Variants in HSPA4 observed in about 807,000 individuals in gnomAD.
The protein encoded by HSPA4 is heat shock protein family A (Hsp70) member 4, also known as heat shock 70 kDa protein 4.
HSPA4 carries 25 observed loss-of-function variants against 106.2 expected under a neutral mutation model. That is an observed-to-expected ratio of 0.24 (90% CI 0.17 to 0.33). HSPA4 has a LOEUF of 0.33. Ranked by LOEUF, HSPA4 falls within the 10% of genes least tolerant of loss-of-function variation. The pLI, the probability that HSPA4 is intolerant of heterozygous loss-of-function variation, is 1.00. For missense variants in HSPA4, 841 were observed against 996.0 expected, an observed-to-expected ratio of 0.84 and a Z score of 2.10; for synonymous variants, 332 against 333.6, an observed-to-expected ratio of 1.00 and a Z score of 0.05.
At chr5:133,053,960 C>T (rs1291828220) in intron 1 of HSPA4, among the ~76,000 whole-genome samples, 1 of 152,024 alleles carries the variant, frequency 6.6e-6, no homozygotes, top group Non-Finnish European at 1.5e-5. Flanking sequence ...GTGCCCGGCC[C>T]CAGGGGCTCA....
rs57230598 is a variant in HSPA4 at position 133,092,806 on chromosome 5, G to GTTTTTT, written c.1650+44_1650+49dup. On this transcript the variant is annotated intron_variant, in intron 13 of 18. Coordinates refer to ENST00000304858, the MANE Select transcript of HSPA4 (RefSeq NM_002154.4). ...GAAATGGAGGTATGCATTGGGTGGT[G>GTTTTTT]TTTTTTTTTTTTTTTTTTTTTTTTT... 2.1e-4 allele frequency: 100 copies of GTTTTTT among 473,966 alleles called. 2 individuals are homozygous for GTTTTTT. The African/African-American group carries it at 2.3e-3, about 11-fold the overall frequency. The allele number at this position is 473,966 out of a possible 1,614,324, so 29.4% of individuals were successfully genotyped here.
chr5:133,104,548 A>T lies in HSPA4; in HGVS notation c.*112A>T. 1 of 1,002,454 alleles carries T rather than the reference A, an allele frequency of 1.0e-6. No homozygotes were observed. The highest frequency in any genetic ancestry group is 1.5e-6 in the Non-Finnish European group (1 of 676,684). 62.1% of individuals were successfully genotyped at this position (1,002,454 alleles called of 1,614,324 possible). ...ACTGAAGATTTCTTAGTCAGTTTTTAGGGGATTTTCGGGGAGGGGAAATAG... is the reference window on the plus strand; with the variant it reads ...ACTGAAGATTTCTTAGTCAGTTTTTTGGGGATTTTCGGGGAGGGGAAATAG... On this transcript the variant is annotated 3_prime_UTR_variant, in exon 19 of 19. Coordinates refer to ENST00000304858, the MANE Select transcript of HSPA4 (RefSeq NM_002154.4).
chr5:133,057,536 A>G (rs1765182137), intron 1 of HSPA4, among the ~76,000 whole-genome samples: 1 of 152,122 alleles, frequency 6.6e-6, no homozygotes. Context: ...GCATACACTT[A>G]TAAAAATGAA....
At chr5:133,080,531 T>C (rs1765502138) in intron 7 of HSPA4, among the ~76,000 whole-genome samples, 1 of 151,972 alleles carries the variant, frequency 6.6e-6, no homozygotes, top group African/African-American at 2.4e-5. Flanking sequence ...ATTATATAGT[T>C]TGACATTACA....
chr5:133,091,865 A>T (rs1277853443), intron 12 of HSPA4, among the ~76,000 whole-genome samples: 2 of 151,792 alleles, frequency 1.3e-5, no homozygotes, highest in Non-Finnish European at 2.9e-5. Flanking sequence ...CATCTCTACA[A>T]AAAGTTAAAA....
In HSPA4 at chr5:133,101,788, C is replaced by G. The variant is rs758169204; in HGVS notation, c.2067C>G (p.Phe689Leu). Residue 689 changes from phenylalanine (F) to leucine (L), a missense_variant, in exon 17 of 19, where the codon TTC becomes TTG. Physicochemically the swap from Phe to Leu is conservative, Grantham distance 22 (BLOSUM62 0). This residue lies in a region of HSPA4 where 328 missense variants were observed against 372.2 expected (regional missense o/e 0.88). Transcript: ENST00000304858. ...KNLGQPIKIR[F>L]QESEERPKLF... ...TAGGTCAACCTATTAAGATACGTTT[C>G]CAGGAATCTGAAGAACGACCAAAAT... 4 of 1,611,160 alleles carry G rather than the reference C, an allele frequency of 2.5e-6. No individual in the cohort carries two copies. The South Asian group carries it at 4.4e-5, about 18-fold the overall frequency.
chr5:133,067,735 G>A (rs996539703), intron 3 of HSPA4, among the ~76,000 whole-genome samples, 178 bp downstream of exon 3: 15 of 152,058 alleles, frequency 9.9e-5, no homozygotes, highest in African/African-American at 2.4e-4. Context: ...ATGTTGGTTG[G>A]GAGCCATGAG....
chr5:133,079,074 G>A (rs1432587693), intron 7 of HSPA4, among the ~76,000 whole-genome samples: 7 of 152,116 alleles, frequency 4.6e-5, no homozygotes, highest in Non-Finnish European at 7.4e-5. Context: ...TGTTTAAATC[G>A]ATGAAACCAG....
rs934081391 is a variant in HSPA4, at chr5:133,075,310, G to A, written c.663+1184G>A. On this transcript the variant is annotated intron_variant, in intron 6 of 18. Coordinates refer to ENST00000304858, the MANE Select transcript of HSPA4 (RefSeq NM_002154.4). ...ATGCTATGCTTTCATCTTTTTAAAC[G>A]GAAGACTCTGGTTATAATTTAGCCT... Among the ~76,000 whole-genome samples the A allele has an allele frequency of 3.9e-5, 6 of 152,050 alleles. No homozygotes were observed. In the South Asian group the frequency reaches 6.2e-4, roughly 16 times the overall value.
At chr5:133,097,031 C>T (rs892728939) in intron 14 of HSPA4, 130 bp from the exon 15 acceptor site, 1 of 612,438 alleles carries the variant, frequency 1.6e-6, no homozygotes, top group East Asian at 3.0e-5. Flanking sequence ...TTCCCACTTA[C>T]CTTTGTTATG....
intron 1 of HSPA4, among the ~76,000 whole-genome samples, chr5:133,059,885 A>G (rs1261534993): frequency 6.6e-6 from 1 of 152,194 alleles, no homozygotes; most frequent in Non-Finnish European, 1.5e-5. Flanking sequence ...TGCCATGGAT[A>G]GGGATCAGGG....
At chr5:133,068,727 AG>A (rs1040970977) in intron 3 of HSPA4, among the ~76,000 whole-genome samples, 1 of 152,194 alleles carries the variant, frequency 6.6e-6, no homozygotes, top group Non-Finnish European at 1.5e-5. Flanking sequence ...GGGGTTAAAA[AG>A]GGAGGTGAAG....
At chr5:133,099,263 G>A (rs950528741) in intron 15 of HSPA4, among the ~76,000 whole-genome samples, 1 of 152,008 alleles carries the variant, frequency 6.6e-6, no homozygotes, top group Non-Finnish European at 1.5e-5. Context: ...TGTAGTAGCT[G>A]GGATTACAGG....
chr5:133,076,482 A>G (rs113386182), intron 6 of HSPA4, among the ~76,000 whole-genome samples, 172 bp from the exon 7 acceptor site: 39 of 152,188 alleles, frequency 2.6e-4, no homozygotes, highest in Admixed American at 7.9e-4. Context: ...TATAGTGCCT[A>G]TTTTTACAGT....
In HSPA4 at chr5:133,055,218, A is replaced by G. The variant is rs115312792; in HGVS notation, c.107+2861A>G. ...ACTTACAGGCATGCCATACATTTCA[A>G]GTGATTTCTGAACTGTATGATTTTG... On this transcript the variant is annotated intron_variant, in intron 1 of 18. Coordinates refer to ENST00000304858, the MANE Select transcript of HSPA4 (RefSeq NM_002154.4). Among the ~76,000 whole-genome samples the G allele has an allele frequency of 3.9e-3, 588 of 151,472 alleles. 3 individuals carry two copies. The highest frequency in any genetic ancestry group is 0.014 in the African/African-American group (559 of 41,262).
intron 10 of HSPA4, 64 bp downstream of exon 10, chr5:133,089,225 TTGC>T (rs1765615168): frequency 2.3e-6 from 2 of 877,374 alleles, no homozygotes; most frequent in Admixed American, 2.5e-5. Flanking sequence ...GAGTAATATG[TTGC>T]TTTTCATTTC....
rs1255706500 is a variant in HSPA4 at position 133,052,256 on chromosome 5, G to T, written c.6G>T (p.Ser2=). 1.3e-6 allele frequency: 2 copies of T among 1,588,646 alleles called. No homozygotes were observed. The highest frequency in any genetic ancestry group is 1.3e-5 in the African/African-American group (1 of 74,562). ...CCCGAGCAGTAGCCGGCGCCATGTC[G>T]GTGGTGGGCATAGACCTGGGCTTCC... M[S]VVGIDLGFQS... is the part of the protein sequence containing the mutation. The change falls in exon 1 of 19, where the codon TCG becomes TCT. Residue 2 remains serine, a synonymous_variant. Coordinates refer to ENST00000304858, the MANE Select transcript of HSPA4 (RefSeq NM_002154.4).
intron 2 of HSPA4, among the ~76,000 whole-genome samples, chr5:133,065,964 G>T (rs533276936): frequency 9.5e-4 from 144 of 152,280 alleles, no homozygotes; most frequent in African/African-American, 2.9e-3. Context: ...AAATTTATTA[G>T]CCTAAAAAAG....
At chr5:133,089,537 G>GT (rs779794576) in intron 10 of HSPA4, 25 bp from the exon 11 acceptor site, 2 of 1,609,136 alleles carry the variant, frequency 1.2e-6, no homozygotes, top group South Asian at 1.1e-5. Context: ...CTGAATTTGT[G>GT]TTTTTGTCTT....
Sources: gnomAD v4.1 joint callset for allele counts (sites outside exome capture counted in the v4.1 genomes callset) on GRCh38, gnomAD v4.1.1 for gene constraint, gnomAD v4.1.1 regional missense constraint, MANE v1.5 for transcripts, NCBI Gene and HGNC (gene_info 2026-07-23, HGNC 2026-07-21) for gene names.